Variants in DCDC2C observed in about 807,000 individuals in gnomAD.
The protein encoded by DCDC2C is doublecortin domain-containing protein 2C.
A neutral mutation model predicts 45.0 loss-of-function variants in DCDC2C; 44 were observed. The observed-to-expected ratio is 0.98, with a 90% CI of 0.77 to 1.26. DCDC2C has a LOEUF of 1.26. Ranked by LOEUF, DCDC2C falls within the 50% of genes most tolerant of loss-of-function variation. The probability of loss-of-function intolerance (pLI) is 0.00; values close to 1 mark genes in which losing one functional copy is unlikely to be tolerated. For synonymous variants in DCDC2C, 187 were observed against 178.8 expected (o/e 1.05, Z -0.37); for missense variants, 447 against 468.9 (o/e 0.95, Z 0.43).
intron 6 of DCDC2C, among the ~76,000 whole-genome samples, chr2:3,763,362 G>T (rs776464337): frequency 6.6e-6 from 1 of 152,208 alleles, no homozygotes; most frequent in Middle Eastern, 3.2e-3. Flanking sequence ...TGGTGAGCGC[G>T]GCTCGAGATG....
At chr2:3,774,317 G>A (rs1670268702) in intron 8 of DCDC2C, among the ~76,000 whole-genome samples, 1 of 152,228 alleles carries the variant, frequency 6.6e-6, no homozygotes, top group South Asian at 2.1e-4. Context: ...GAAACTTCAA[G>A]AGAAGTGGTT....
intron 10 of DCDC2C, among the ~76,000 whole-genome samples, chr2:3,809,471 G>A (rs1178984942): frequency 5.9e-5 from 9 of 151,962 alleles, no homozygotes; most frequent in Admixed American, 2.0e-4. Context: ...TAAATATTTT[G>A]GTTTTGTAGC....
intron 10 of DCDC2C, among the ~76,000 whole-genome samples, chr2:3,832,602 GA>G (rs1374608196): frequency 1.3e-5 from 2 of 152,224 alleles, no homozygotes; most frequent in East Asian, 3.8e-4. Flanking sequence ...TGTATTTGAA[GA>G]GAGCTTTTAT....
chr2:3,725,412 AG>A (rs1668618575), intron 2 of DCDC2C, among the ~76,000 whole-genome samples: 1 of 101,902 alleles, frequency 9.8e-6, no homozygotes, highest in Admixed American at 1.1e-4. Context: ...GCAGAGAGTG[AG>A]GAGGCTGCCA....
intron 8 of DCDC2C, among the ~76,000 whole-genome samples, chr2:3,771,274 C>T (rs775094867): frequency 7.9e-5 from 12 of 152,352 alleles, no homozygotes; most frequent in Middle Eastern, 6.8e-3. Context: ...GTCTCCCACT[C>T]GCCGGGTCCT....
intron 2 of DCDC2C, among the ~76,000 whole-genome samples, chr2:3,726,190 C>T (rs750238334): frequency 5.3e-5 from 8 of 151,926 alleles, no homozygotes; most frequent in East Asian, 1.9e-4. Context: ...AGAGATGGAA[C>T]GTGGACAGGG....
intron 3 of DCDC2C, among the ~76,000 whole-genome samples, chr2:3,739,641 C>G (rs570830238): frequency 6.6e-6 from 1 of 152,262 alleles, no homozygotes; most frequent in Non-Finnish European, 1.5e-5. Flanking sequence ...GAAAAACCGT[C>G]TCCCTTCTGG....
chr2:3,816,370 T>C (rs1164664194), intron 10 of DCDC2C, among the ~76,000 whole-genome samples: 2 of 152,242 alleles, frequency 1.3e-5, no homozygotes, highest in African/African-American at 2.4e-5. Context: ...AGTTTTTTTA[T>C]GTTGTCATAC....
intron 4 of DCDC2C, 46 bp downstream of exon 4, chr2:3,742,094 T>C: frequency 6.8e-7 from 1 of 1,477,178 alleles, no homozygotes; most frequent in African/African-American, 1.4e-5. Context: ...CGGCAGCTTG[T>C]GTTTATTCTT....
chr2:3,765,470 G>A (rs959166509), intron 6 of DCDC2C, among the ~76,000 whole-genome samples: 1 of 152,146 alleles, frequency 6.6e-6, no homozygotes. Context: ...GCACAGGTAT[G>A]GTGCAGGGAA....
chr2:3,838,452 CAGAGAGAGAGAGAG>C (rs61141962), intron 10 of DCDC2C, among the ~76,000 whole-genome samples: 1 of 112,376 alleles, frequency 8.9e-6, no homozygotes, highest in South Asian at 3.3e-4. Context: ...AGGATCATGA[CAGAGAGAGAGAGAG>C]AGAGAGAGAG....
At chr2:3,846,377 C>A (rs1370686910) in intron 10 of DCDC2C, among the ~76,000 whole-genome samples, 1 of 152,074 alleles carries the variant, frequency 6.6e-6, no homozygotes, top group African/African-American at 2.4e-5. Flanking sequence ...ACCTCAGCCT[C>A]CCGTGTAGCT....
At chr2:3,749,891 T>C (rs1669487505) in intron 4 of DCDC2C, among the ~76,000 whole-genome samples, 1 of 152,216 alleles carries the variant, frequency 6.6e-6, no homozygotes, top group African/African-American at 2.4e-5. Context: ...CCCCTGCTGC[T>C]GGAAGGAAAA....
At chr2:3,837,097 C>T (rs573952229) in intron 10 of DCDC2C, among the ~76,000 whole-genome samples, 1 of 152,146 alleles carries the variant, frequency 6.6e-6, no homozygotes, top group Non-Finnish European at 1.5e-5. Flanking sequence ...TTGGGGCCCT[C>T]CTGCTGGACC....
At chr2:3,813,038 C>T (rs1490733911) in intron 10 of DCDC2C, among the ~76,000 whole-genome samples, 4 of 29,970 alleles carry the variant, frequency 1.3e-4, no homozygotes, top group South Asian at 4.4e-3. Flanking sequence ...CTGAGAAGAA[C>T]GTATATATAT....
chr2:3,845,516 T>C (rs1328190178), intron 10 of DCDC2C, among the ~76,000 whole-genome samples: 1 of 152,238 alleles, frequency 6.6e-6, no homozygotes, highest in East Asian at 1.9e-4. Context: ...AGAAAAGCTA[T>C]GATTTCACCA....
chr2:3,810,345 C>A lies in DCDC2C; in HGVS notation c.1065+25245C>A, dbSNP rs7584128. 9.2e-3 allele frequency among the ~76,000 whole-genome samples: 1,399 copies of A among 152,228 alleles called. 24 individuals carry two copies. The highest frequency in any genetic ancestry group is 0.031 in the African/African-American group (1,288 of 41,530). On this transcript the variant is annotated intron_variant, in intron 10 of 10. Transcript: ENST00000399143. ...TGATTTGCATTTATCTGATGATCAG[C>A]GATGTTGAACTTTTTTCATGTATTT...
intron 9 of DCDC2C, among the ~76,000 whole-genome samples, chr2:3,779,745 C>T (rs910674686): frequency 6.6e-6 from 1 of 151,490 alleles, no homozygotes. Context: ...TGTAAACAGG[C>T]GGGGACACTC....
intron 8 of DCDC2C, among the ~76,000 whole-genome samples, chr2:3,774,424 G>T (rs1670272741): frequency 6.6e-6 from 1 of 152,238 alleles, no homozygotes; most frequent in South Asian, 2.1e-4. Flanking sequence ...GCCTCGGGGA[G>T]TGGCTGGGCA....
Sources: gnomAD v4.1 joint callset for allele counts (sites outside exome capture counted in the v4.1 genomes callset) on GRCh38, gnomAD v4.1.1 for gene constraint, MANE v1.5 for transcripts, NCBI Gene and HGNC (gene_info 2026-07-23, HGNC 2026-07-21) for gene names.